Variants in PLB1 observed in about 807,000 individuals in gnomAD.
The protein encoded by PLB1 is phospholipase B1, also known as phospholipase B1, membrane-associated.
A neutral mutation model predicts 227.4 loss-of-function variants in PLB1; 242 were observed. That is an observed-to-expected ratio of 1.06 (90% CI 0.96 to 1.18). The LOEUF (loss-of-function observed/expected upper bound fraction) is 1.18, where lower values mean the gene tolerates loss of function less well. Among genes scored for constraint, PLB1 ranks in the 50% most tolerant of loss-of-function variants. PLB1 has a pLI of 0.00. For synonymous variants in PLB1, 757 were observed against 682.2 expected (o/e 1.11, Z -1.71); for missense variants, 1,858 against 1,816.3 (o/e 1.02, Z -0.42).
chr2:28,498,658 C>T (rs928347129), intron 1 of PLB1, among the ~76,000 whole-genome samples: 1 of 152,196 alleles, frequency 6.6e-6, no homozygotes, highest in African/African-American at 2.4e-5. Context: ...TCTGTTTGTA[C>T]ATTAAGGATT....
intron 50 of PLB1, among the ~76,000 whole-genome samples, chr2:28,626,072 T>C (rs1687731096): frequency 6.6e-6 from 1 of 151,776 alleles, no homozygotes; most frequent in Non-Finnish European, 1.5e-5. Context: ...CTCAGCTCAC[T>C]GCAGCATCTG....
rs150162830 is a variant in PLB1 at position 28,619,465 on chromosome 2, C to T, written c.3316-800C>T. Among the ~76,000 whole-genome samples, 491 of 146,410 alleles carry T rather than the reference C, an allele frequency of 3.4e-3. 3 individuals carry two copies. Among genetic ancestry groups the T allele is most frequent in the African/African-American group, 9.5e-3 (372 of 39,290 alleles). On this transcript the variant is annotated intron_variant, in intron 46 of 57. Coordinates refer to ENST00000327757, the MANE Select transcript of PLB1 (RefSeq NM_153021.5). Reference sequence around the variant, plus strand: ...ATTCTTAAGGTAGGGGTAGATTATTCGTTTGTTTAAATATTTGTATCATTT... The same window carrying T: ...ATTCTTAAGGTAGGGGTAGATTATTTGTTTGTTTAAATATTTGTATCATTT...
At chr2:28,531,254 T>TATA (rs1258808326) in intron 8 of PLB1, among the ~76,000 whole-genome samples, 1 of 152,380 alleles carries the variant, frequency 6.6e-6, no homozygotes, top group East Asian at 1.9e-4. Context: ...TATCTTTATA[T>TATA]ATTTTATAAA....
chr2:28,598,345 TC>T (rs891365394), intron 34 of PLB1, among the ~76,000 whole-genome samples: 3 of 152,214 alleles, frequency 2.0e-5, no homozygotes, highest in African/African-American at 7.2e-5. Flanking sequence ...CTCAGGCTTT[TC>T]CAACAGGCCC....
chr2:28,581,952 T>G, intron 23 of PLB1, 116 bp from the exon 24 acceptor site: 2 of 909,882 alleles, frequency 2.2e-6, no homozygotes, highest in Non-Finnish European at 1.7e-6. Context: ...CAGAGTGAGA[T>G]CCTATCTCAA....
chr2:28,626,349 G>T, intron 50 of PLB1, 79 bp from the exon 51 acceptor site: 1 of 1,195,676 alleles, frequency 8.4e-7, no homozygotes, highest in Non-Finnish European at 1.2e-6. Flanking sequence ...GCACTTGGAG[G>T]GCGGGCGGGC....
intron 17 of PLB1, among the ~76,000 whole-genome samples, chr2:28,554,368 C>T (rs1037524163): frequency 6.6e-6 from 1 of 151,682 alleles, no homozygotes; most frequent in Non-Finnish European, 1.5e-5. Flanking sequence ...TACTCTGTTG[C>T]CCAGGCTGGA....
At chr2:28,597,532 A>G (rs551302233) in intron 33 of PLB1, among the ~76,000 whole-genome samples, 4 of 152,314 alleles carry the variant, frequency 2.6e-5, no homozygotes, top group Admixed American at 6.5e-5. Flanking sequence ...TGAACCTTCT[A>G]TTGGAATTTA....
chr2:28,496,685 C>T lies in PLB1; in HGVS notation c.55+516C>T, dbSNP rs533540042. On this transcript the variant is annotated intron_variant, in intron 1 of 57. Coordinates refer to ENST00000327757, the MANE Select transcript of PLB1 (RefSeq NM_153021.5). ...GCTGCTAAACAGAGTGCTGAGCTTT[C>T]ATTGAACTGAGTGGGCAACCAGCCA... Among the ~76,000 whole-genome samples, 7 of 152,288 alleles carry T rather than the reference C, an allele frequency of 4.6e-5. No homozygotes were observed. The East Asian group carries it at 1.2e-3, about 25-fold the overall frequency.
intron 20 of PLB1, among the ~76,000 whole-genome samples, chr2:28,572,936 G>GA (rs1431426169): frequency 1.3e-5 from 2 of 151,920 alleles, no homozygotes; most frequent in African/African-American, 4.8e-5. Flanking sequence ...TATATAGTTA[G>GA]AAAAAAAGAA....
intron 21 of PLB1, among the ~76,000 whole-genome samples, chr2:28,574,359 A>G: frequency 1.2e-5 from 1 of 85,828 alleles, no homozygotes; most frequent in Non-Finnish European, 2.3e-5. Context: ...TTCCTCTCTG[A>G]GTCCCCAAAG....
intron 1 of PLB1, among the ~76,000 whole-genome samples, chr2:28,504,503 G>A (rs1028698352): frequency 5.3e-5 from 8 of 152,304 alleles, no homozygotes; most frequent in Admixed American, 2.0e-4. Flanking sequence ...AGCACTTTGG[G>A]AGGCTGAGGC....
chr2:28,579,480 C>A (rs986962002), intron 22 of PLB1, 147 bp from the exon 23 acceptor site: 2 of 584,274 alleles, frequency 3.4e-6, no homozygotes, highest in East Asian at 3.2e-5. Context: ...GATCTCAGGA[C>A]CCTAAAAGCA....
At chr2:28,591,237 G>C in intron 30 of PLB1, 66 bp downstream of exon 30, 1 of 1,589,744 alleles carries the variant, frequency 6.3e-7, no homozygotes, top group Admixed American at 1.7e-5. Context: ...GGCTGGGACA[G>C]GCCCAACAGG....
intron 54 of PLB1, 140 bp downstream of exon 54, chr2:28,630,804 C>T: frequency 1.5e-6 from 1 of 656,060 alleles, no homozygotes; most frequent in Non-Finnish European, 2.6e-6. Context: ...GAAATACTTA[C>T]CCCTGCAAAT....
At chr2:28,554,489 C>A (rs1318752126) in intron 17 of PLB1, among the ~76,000 whole-genome samples, 1 of 85,468 alleles carries the variant, frequency 1.2e-5, no homozygotes, top group Admixed American at 1.4e-4. Flanking sequence ...CCACACCTGC[C>A]TTTTTTTTTT....
chr2:28,633,284 C>T (rs778203239), intron 56 of PLB1: 2 of 491,246 alleles, frequency 4.1e-6, no homozygotes, highest in Non-Finnish European at 7.2e-6. Flanking sequence ...TTCAGCAATG[C>T]CCAGGTACTG....
Position 28,626,459 on chromosome 2 carries a change from T to G in PLB1, c.3611T>G (p.Val1204Gly). 1 of 1,614,160 alleles carries G rather than the reference T, an allele frequency of 6.2e-7. No individual in the cohort carries two copies. The highest frequency in any genetic ancestry group is 8.5e-7 in the Non-Finnish European group (1 of 1,180,016). ...DINLEKDWKL[V>G]TLFIGVNDLC... is the part of the protein sequence containing the mutation. Reference sequence around the variant, plus strand: ...AACCTGGAGAAAGACTGGAAGCTGGTCACACTCTTCATTGGGGTCAACGAC... The same window carrying G: ...AACCTGGAGAAAGACTGGAAGCTGGGCACACTCTTCATTGGGGTCAACGAC... Residue 1204 changes from valine (V) to glycine (G), a missense_variant, in exon 51 of 58, where the codon GTC becomes GGC. By Grantham distance (109) the Val-to-Gly change is moderately radical. Transcript: ENST00000327757.
intron 4 of PLB1, among the ~76,000 whole-genome samples, chr2:28,523,158 CAG>C (rs1287968442): frequency 6.6e-6 from 1 of 152,080 alleles, no homozygotes; most frequent in Non-Finnish European, 1.5e-5. Flanking sequence ...TAAGAAAAAA[CAG>C]ATGTACGCAC....
Sources: gnomAD v4.1 joint callset for allele counts (sites outside exome capture counted in the v4.1 genomes callset) on GRCh38, gnomAD v4.1.1 for gene constraint, MANE v1.5 for transcripts, NCBI Gene and HGNC (gene_info 2026-07-23, HGNC 2026-07-21) for gene names.